The following NRG3 variants were observed in gnomAD, a reference collection of about 807,000 sequenced individuals.
NRG3 encodes the protein neuregulin 3.
In NRG3, 31 loss-of-function variants were observed where a neutral mutation model predicts 66.9. The observed-to-expected ratio is 0.46, with a 90% CI of 0.35 to 0.63. NRG3 has a LOEUF of 0.63. Ranked by LOEUF, NRG3 falls within the 20% of genes least tolerant of loss-of-function variation. The probability of loss-of-function intolerance (pLI) is 0.00; values close to 1 mark genes in which losing one functional copy is unlikely to be tolerated. For missense variants in NRG3, 910 were observed against 878.9 expected (o/e 1.04, Z -0.45); for synonymous variants, 393 against 359.4 (o/e 1.09, Z -1.06).
At chr10:82,560,905 G>C (rs2044997625) in intron 2 of NRG3, among the ~76,000 whole-genome samples, 1 of 151,768 alleles carries the variant, frequency 6.6e-6, no homozygotes. Flanking sequence ...GAGTCTTATA[G>C]GTCCCTAATA....
At chr10:82,788,324 T>C (rs1316199428) in intron 3 of NRG3, among the ~76,000 whole-genome samples, 3 of 152,072 alleles carry the variant, frequency 2.0e-5, no homozygotes, top group Admixed American at 1.3e-4. Flanking sequence ...AATCCCAGCA[T>C]TTTGGGAGGC....
intron 2 of NRG3, among the ~76,000 whole-genome samples, chr10:82,547,077 A>T (rs968880340): frequency 4.6e-5 from 7 of 152,156 alleles, no homozygotes; most frequent in African/African-American, 7.2e-5. Flanking sequence ...TTGTAGAGAA[A>T]AATTACTCAA....
chr10:82,000,032 A>G (rs1045049216), intron 1 of NRG3, among the ~76,000 whole-genome samples: 6 of 152,214 alleles, frequency 3.9e-5, no homozygotes, highest in African/African-American at 1.4e-4. Context: ...ACCCTATCCA[A>G]ACATATCAGT....
chr10:82,453,246 C>T (rs1326785653), intron 2 of NRG3, among the ~76,000 whole-genome samples: 1 of 152,070 alleles, frequency 6.6e-6, no homozygotes, highest in East Asian at 1.9e-4. Context: ...ATTTATTTAT[C>T]TTACCTTAAC....
chr10:82,565,706 C>G (rs1395911384), intron 2 of NRG3, among the ~76,000 whole-genome samples: 2 of 152,046 alleles, frequency 1.3e-5, no homozygotes, highest in Non-Finnish European at 2.9e-5. Context: ...AAGTCATTGA[C>G]ATGACTTTCT....
intron 1 of NRG3, among the ~76,000 whole-genome samples, chr10:82,164,574 A>G (rs1241712321): frequency 6.6e-6 from 1 of 151,850 alleles, no homozygotes; most frequent in Non-Finnish European, 1.5e-5. Context: ...TTTACTCTCT[A>G]CCTCCATGAA....
intron 1 of NRG3, among the ~76,000 whole-genome samples, chr10:82,132,458 T>TCA: frequency 1.2e-5 from 1 of 84,312 alleles, no homozygotes; most frequent in Admixed American, 1.4e-4. Context: ...TATATATATA[T>TCA]GATATATATG....
intron 2 of NRG3, among the ~76,000 whole-genome samples, chr10:82,695,115 G>A (rs944127455): frequency 6.6e-6 from 1 of 152,094 alleles, no homozygotes; most frequent in African/African-American, 2.4e-5. Context: ...ATGTACATTG[G>A]ACATGCAGTA....
At chr10:82,227,899 T>G (rs1157579361) in intron 1 of NRG3, among the ~76,000 whole-genome samples, 1 of 152,158 alleles carries the variant, frequency 6.6e-6, no homozygotes, top group Non-Finnish European at 1.5e-5. Context: ...ATTTTCCATT[T>G]CAGTTCAAGG....
At chr10:82,943,339 A>G (rs1434258452) in intron 4 of NRG3, among the ~76,000 whole-genome samples, 2 of 152,182 alleles carry the variant, frequency 1.3e-5, no homozygotes, top group African/African-American at 4.8e-5. Flanking sequence ...CACGGACCAC[A>G]CTGCTCCTTG....
intron 2 of NRG3, among the ~76,000 whole-genome samples, chr10:82,627,598 A>T (rs1031807200): frequency 6.6e-6 from 1 of 152,042 alleles, no homozygotes; most frequent in African/African-American, 2.4e-5. Context: ...ATACTGCAAG[A>T]CTCCTTTTAA....
chr10:82,550,345 C>G (rs1392726957), intron 2 of NRG3, among the ~76,000 whole-genome samples: 1 of 152,114 alleles, frequency 6.6e-6, no homozygotes, highest in Admixed American at 6.6e-5. Context: ...CAAGGGAAGT[C>G]GGGATAGTAA....
At chr10:82,960,412 C>G (rs1406892234) in intron 6 of NRG3, among the ~76,000 whole-genome samples, 1 of 149,526 alleles carries the variant, frequency 6.7e-6, no homozygotes, top group Non-Finnish European at 1.5e-5. Flanking sequence ...TAATCAGTAA[C>G]ATGTTAGTGG....
At chr10:82,565,675 C>T (rs1225251461) in intron 2 of NRG3, among the ~76,000 whole-genome samples, 1 of 152,046 alleles carries the variant, frequency 6.6e-6, no homozygotes, top group East Asian at 1.9e-4. Flanking sequence ...CACACCTGTC[C>T]TCAATTCCAG....
chr10:82,750,801 C>G (rs1591405573), intron 3 of NRG3, among the ~76,000 whole-genome samples: 1 of 152,190 alleles, frequency 6.6e-6, no homozygotes, highest in Non-Finnish European at 1.5e-5. Flanking sequence ...CAATAGGAAA[C>G]TTTTTAATAT....
At chr10:82,082,691 A>G (rs2133425210) in intron 1 of NRG3, among the ~76,000 whole-genome samples, 1 of 152,304 alleles carries the variant, frequency 6.6e-6, no homozygotes, top group South Asian at 2.1e-4. Context: ...TCAAACACTG[A>G]TTTTTGAACA....
rs183884538 is a variant in NRG3, at chr10:82,609,010, A to T, written c.954-129567A>T. On this transcript the variant is annotated intron_variant, in intron 2 of 8. Transcript: ENST00000372141. Reference sequence around the variant, plus strand: ...TACCCTGATAGCCCTCTTGATTTTAATTTAAAAAGAAGAAAAGTACTGTAC... The same window carrying T: ...TACCCTGATAGCCCTCTTGATTTTATTTTAAAAAGAAGAAAAGTACTGTAC... Among the ~76,000 whole-genome samples the T allele has an allele frequency of 2.6e-5, 4 of 152,242 alleles. No individual in the cohort carries two copies. In the East Asian group the frequency reaches 7.7e-4, roughly 29 times the overall value.
intron 2 of NRG3, among the ~76,000 whole-genome samples, chr10:82,430,634 T>C (rs529940363): frequency 3.2e-4 from 49 of 152,300 alleles, no homozygotes; most frequent in Admixed American, 7.8e-4. Context: ...CCTCCCCTTT[T>C]GCTTTTGTTA....
In NRG3 at chr10:82,620,821, C is replaced by T. The variant is rs527971981; in HGVS notation, c.954-117756C>T. Among the ~76,000 whole-genome samples, 6 of 152,098 alleles carry T rather than the reference C, an allele frequency of 3.9e-5. No individual in the cohort carries two copies. In the East Asian group the frequency reaches 1.2e-3, roughly 30 times the overall value. On this transcript the variant is annotated intron_variant, in intron 2 of 8. Transcript: ENST00000372141. ...CTGTTTCCTGCCTCTATCATTAACA[C>T]AACCACCAAGCCATCCTATTCACCT...
Sources: gnomAD v4.1 joint callset for allele counts (sites outside exome capture counted in the v4.1 genomes callset) on GRCh38, gnomAD v4.1.1 for gene constraint, MANE v1.5 for transcripts, NCBI Gene and HGNC (gene_info 2026-07-23, HGNC 2026-07-21) for gene names.